Variants in MTMR8 observed in about 807,000 individuals in gnomAD.
MTMR8 encodes myotubularin related protein 8, also known as phosphatidylinositol-3,5-bisphosphate 3-phosphatase MTMR8.
MTMR8 carries 65 observed loss-of-function variants against 39.3 expected under a neutral mutation model. The ratio of observed to expected loss-of-function variants is 1.65; its 90% confidence interval spans 1.35 to 2.03. The LOEUF is 2.03. Among genes scored for constraint, MTMR8 ranks in the 30% most tolerant of loss-of-function variants. The pLI, the probability that MTMR8 is intolerant of heterozygous loss-of-function variation, is 0.00. For synonymous variants in MTMR8, 245 were observed against 185.2 expected (o/e 1.32, Z -2.62); for missense variants, 777 against 538.9 (o/e 1.44, Z -4.37).
chrX:64,379,982 C>T (rs1602156903), intron 1 of MTMR8, among the ~76,000 whole-genome samples: 1 of 111,455 alleles, frequency 9.0e-6, no homozygotes, highest in South Asian at 3.7e-4. Context: ...AATCCAATCC[C>T]CAATAATGAT....
At chrX:64,366,143 A>T (rs755543613) in intron 1 of MTMR8, among the ~76,000 whole-genome samples, 1 of 111,741 alleles carries the variant, frequency 8.9e-6, no homozygotes, top group South Asian at 3.8e-4. Context: ...TTAGACTCGC[A>T]CACAATAATG....
intron 12 of MTMR8, among the ~76,000 whole-genome samples, chrX:64,288,617 C>T (rs1165529547): frequency 8.9e-6 from 1 of 111,758 alleles, no homozygotes. Context: ...TGGAACCAAC[C>T]CAAATGTCCA....
intron 12 of MTMR8, among the ~76,000 whole-genome samples, chrX:64,311,114 C>T (rs1392507636): frequency 8.9e-6 from 1 of 111,948 alleles, no homozygotes; most frequent in African/African-American, 3.3e-5. Context: ...TACACTCCCA[C>T]CAACAGTGTA....
At chrX:64,280,574 A>G (rs1931984416) in intron 12 of MTMR8, among the ~76,000 whole-genome samples, 1 of 111,671 alleles carries the variant, frequency 9.0e-6, no homozygotes, top group South Asian at 3.8e-4. Flanking sequence ...ATTTATGACA[A>G]ACCCACAGCC....
chrX:64,348,932 A>G (rs1923414378), intron 5 of MTMR8, 138 bp from the exon 6 acceptor site: 2 of 667,372 alleles, frequency 3.0e-6, no homozygotes, highest in Non-Finnish European at 4.4e-6. Flanking sequence ...GAGAAATGTG[A>G]CTCTAAAGTC....
chrX:64,366,774 G>T (rs1165996949), intron 1 of MTMR8, among the ~76,000 whole-genome samples: 3 of 111,398 alleles, frequency 2.7e-5, no homozygotes, highest in Non-Finnish European at 5.7e-5. Flanking sequence ...AACCGAAGGA[G>T]ATAGAGACAA....
intron 12 of MTMR8, among the ~76,000 whole-genome samples, chrX:64,282,149 G>A (rs1161804247): frequency 9.0e-6 from 1 of 111,535 alleles, no homozygotes; most frequent in Non-Finnish European, 1.9e-5. Context: ...AACCACTGTG[G>A]AAGACAGGGT....
chrX:64,362,274 A>C (rs1232251447), intron 1 of MTMR8, among the ~76,000 whole-genome samples: 3 of 107,368 alleles, frequency 2.8e-5, no homozygotes, highest in Non-Finnish European at 5.8e-5. Context: ...ATACAATTTC[A>C]ATCATATTTC....
At chrX:64,364,995 T>C (rs1220604599) in intron 1 of MTMR8, among the ~76,000 whole-genome samples, 1 of 109,964 alleles carries the variant, frequency 9.1e-6, no homozygotes, top group Non-Finnish European at 1.9e-5. Context: ...TTCGATCAAG[T>C]GGAAGAAAGG....
intron 12 of MTMR8, among the ~76,000 whole-genome samples, chrX:64,304,720 C>A (rs1922021054): frequency 9.5e-6 from 1 of 105,312 alleles, no homozygotes; most frequent in Admixed American, 1.1e-4. Context: ...TTACATTTTG[C>A]CACTCATTCT....
intron 12 of MTMR8, among the ~76,000 whole-genome samples, chrX:64,319,164 G>A (rs914655975): frequency 8.9e-6 from 1 of 112,333 alleles, no homozygotes; most frequent in Admixed American, 9.4e-5. Context: ...TGGTGGAGTA[G>A]GGAACTCCGT....
intron 1 of MTMR8, among the ~76,000 whole-genome samples, chrX:64,369,758 T>A (rs1245226385): frequency 1.8e-5 from 2 of 111,299 alleles, no homozygotes; most frequent in African/African-American, 6.5e-5. Context: ...GAACTTAAAG[T>A]ATAATTTTAA....
chrX:64,391,504 CTT>C (rs1924689110), intron 1 of MTMR8, among the ~76,000 whole-genome samples: 1 of 112,007 alleles, frequency 8.9e-6, no homozygotes, highest in Non-Finnish European at 1.9e-5. Flanking sequence ...TTTTCAGTCT[CTT>C]TCATTTTTGG....
chrX:64,369,025 G>A (rs1379247678), intron 1 of MTMR8, among the ~76,000 whole-genome samples: 1 of 112,213 alleles, frequency 8.9e-6, no homozygotes, highest in East Asian at 2.8e-4. Flanking sequence ...ATCATCACTG[G>A]TCATCAAAGA....
At chrX:64,296,968 T>C (rs1446875219) in intron 12 of MTMR8, among the ~76,000 whole-genome samples, 3 of 103,222 alleles carry the variant, frequency 2.9e-5, no homozygotes, top group South Asian at 9.5e-4. Flanking sequence ...ATTTTCTTAA[T>C]CCAGTCTATC....
intron 1 of MTMR8, among the ~76,000 whole-genome samples, chrX:64,394,582 G>A (rs1220345679): frequency 1.2e-4 from 13 of 112,109 alleles, no homozygotes; most frequent in Middle Eastern, 4.6e-3. Context: ...CAGGAGAAAG[G>A]AGGGAAGTGG....
chrX:64,274,715 C>A (rs1455645534), intron 12 of MTMR8, among the ~76,000 whole-genome samples: 1 of 112,133 alleles, frequency 8.9e-6, no homozygotes, highest in Non-Finnish European at 1.9e-5. Flanking sequence ...TAATGGAATA[C>A]TATTCTACCT....
At chrX:64,310,006 A>C (rs191747044) in intron 12 of MTMR8, among the ~76,000 whole-genome samples, 3 of 111,111 alleles carry the variant, frequency 2.7e-5, no homozygotes, top group Admixed American at 1.9e-4. Flanking sequence ...AATGTCTTAA[A>C]ATATGACAAC....
chrX:64,329,749 G>A (rs1208973222), intron 11 of MTMR8, among the ~76,000 whole-genome samples: 1 of 111,089 alleles, frequency 9.0e-6, no homozygotes. Flanking sequence ...AATTGTCAGA[G>A]CATTTCAGTG....
Sources: allele counts gnomAD v4.1 joint callset (sites outside exome capture counted in the v4.1 genomes callset), GRCh38; gene constraint gnomAD v4.1.1; transcripts MANE v1.5; gene names NCBI Gene and HGNC (gene_info 2026-07-23, HGNC 2026-07-21).